KAT6A: variants seen among roughly 807,000 people sequenced by gnomAD.
KAT6A encodes histone acetyltransferase KAT6A.
In KAT6A, 9 loss-of-function variants were observed where a neutral mutation model predicts 198.4. That is an observed-to-expected ratio of 0.05 (90% CI 0.03 to 0.08). The LOEUF is 0.08. KAT6A is among the 10% of genes least tolerant of loss of function. The pLI is 1.00. For missense variants in KAT6A, 2,077 were observed against 2,509.9 expected (o/e 0.83, Z 3.69); for synonymous variants, 890 against 883.0 (o/e 1.01, Z -0.14).
chr8:41,932,263 T>A lies in KAT6A; in HGVS notation c.5957A>T (p.Tyr1986Phe). ...MMYTGPSHHS[Y>F]MNAAGVPKQS... ...CTTGGGCACGCCAGCAGCGTTCATG[T>A]AGCTGTGATGGGAGGGGCCTGTGTA... Residue 1986 changes from tyrosine to phenylalanine, a missense_variant, in exon 17 of 17, where the codon TAC becomes TTC. By Grantham distance (22) the Tyr-to-Phe change is conservative (BLOSUM62 3). Around this residue, in one of 13 missense-constraint regions of KAT6A, gnomAD observed 500 missense variants for 577.2 expected, o/e 0.87. Transcript: ENST00000265713. 2 of 1,614,066 alleles carry A rather than the reference T, an allele frequency of 1.2e-6. No individual in the cohort carries two copies. Among genetic ancestry groups the A allele is most frequent in the Non-Finnish European group, 1.7e-6 (2 of 1,179,964 alleles).
intron 8 of KAT6A, among the ~76,000 whole-genome samples, chr8:41,960,203 T>C (rs889895284): frequency 6.6e-6 from 1 of 152,152 alleles, no homozygotes; most frequent in African/African-American, 2.4e-5. Flanking sequence ...TTTTGCAAGA[T>C]AAAAAAGTTC....
At chr8:41,987,708 GT>G in intron 2 of KAT6A, 145 bp from the exon 3 acceptor site, 1 of 633,464 alleles carries the variant, frequency 1.6e-6, no homozygotes, top group South Asian at 2.0e-5. Context: ...AAGTAGGTGA[GT>G]TTTTACAAAG....
At chr8:41,957,336 C>T (rs1351983552) in intron 8 of KAT6A, 6 of 546,710 alleles carry the variant, frequency 1.1e-5, no homozygotes, top group East Asian at 4.2e-5. Flanking sequence ...TTTCCTTTTA[C>T]GAAGATTTAG....
chr8:42,031,038 A>G lies in KAT6A; in HGVS notation c.600+17340T>C, dbSNP rs2355644. Among the ~76,000 whole-genome samples the G allele has an allele frequency of 8.4e-3, 956 of 113,294 alleles. 19 individuals carry two copies. Among genetic ancestry groups the G allele is most frequent in the African/African-American group, 0.025 (703 of 27,948 alleles). 74.3% of individuals were successfully genotyped at this position (113,294 alleles called of 152,430 possible). A position where few individuals can be genotyped will look rare whatever the true frequency, so the allele number is the denominator to read the frequency against. On this transcript the variant is annotated intron_variant, in intron 2 of 16. Transcript: ENST00000265713. ...ATGCTGCCAAATGCAAAAAAAAAAA[A>G]GGGGGGGGGGACAGGAGAAATGTAT... is the stretch of plus-strand genomic sequence containing the variant.
rs764202707 is a variant in KAT6A, at chr8:41,937,531, C to A, written c.3077G>T (p.Arg1026Leu). The A allele has an allele frequency of 1.2e-6, 2 of 1,613,390 alleles. No homozygotes were observed. The highest frequency in any genetic ancestry group is 1.3e-5 in the African/African-American group (1 of 74,876). ...FLHRRRRVRKRKHHNSSVVTE... is the reference protein window; with the variant it reads ...FLHRRRRVRKLKHHNSSVVTE... ...GACTACACTGCTATTGTGGTGTTTG[C>A]GCTTTCGGACTCTCCTCCTTCGGTG... The change falls in exon 16 of 17, where the codon CGC becomes CTC. Residue 1026 changes from arginine to leucine, a missense_variant. Physicochemically the swap from Arg to Leu is moderately radical, Grantham distance 102. Coordinates refer to ENST00000265713, the MANE Select transcript of KAT6A (RefSeq NM_006766.5).
intron 8 of KAT6A, among the ~76,000 whole-genome samples, chr8:41,960,795 T>C (rs1360032217): frequency 1.3e-5 from 2 of 152,230 alleles, no homozygotes; most frequent in East Asian, 3.9e-4. Flanking sequence ...CCATCAGCTT[T>C]CCACTCTCCC....
At chr8:42,048,141 A>G (rs906501692) in intron 2 of KAT6A, among the ~76,000 whole-genome samples, 2 of 152,170 alleles carry the variant, frequency 1.3e-5, no homozygotes, top group Non-Finnish European at 2.9e-5. Context: ...TGTAATGTAA[A>G]TAAGTTCTTT....
Position 41,949,345 on chromosome 8 carries a change from A to C in KAT6A, c.1617T>G (p.Leu539=). 1 of 1,549,108 alleles carries C rather than the reference A, an allele frequency of 6.5e-7. No homozygotes were observed. The highest frequency in any genetic ancestry group is 8.7e-7 in the Non-Finnish European group (1 of 1,153,122). The part of the protein sequence containing the change: ...QEYSRLPKLY[L]CEFCLKYMKS... ...TCATATATTTTAGACAAAATTCACA[A>C]AGATACAATTTGGGCAGCCTGTAAA... Residue 539 remains leucine (L), a synonymous_variant, in exon 10 of 17, where the codon CTT becomes CTG. Coordinates refer to ENST00000265713, the MANE Select transcript of KAT6A (RefSeq NM_006766.5).
At position 41,978,590 on chromosome 8, in the gene KAT6A, T is replaced by C. The variant is rs377431910; in HGVS notation, c.1043+52A>G. ...GAGAAAACAAGTGAATCCTACACTA[T>C]AGAGAAGACCCTATCCTTTTCTCCC... On this transcript the variant is annotated intron_variant, in intron 6 of 16. Transcript: ENST00000265713. 1.3e-5 allele frequency: 21 copies of C among 1,587,256 alleles called. No individual in the cohort carries two copies. In the African/African-American group the frequency reaches 1.9e-4, roughly 14 times the overall value.
intron 5 of KAT6A, among the ~76,000 whole-genome samples, chr8:41,980,643 A>T (rs1016799237): frequency 6.6e-5 from 10 of 152,240 alleles, no homozygotes; most frequent in Non-Finnish European, 1.3e-4. Flanking sequence ...GAAAATAACA[A>T]TAAATCCGTA....
At chr8:42,041,303 T>C (rs1423297367) in intron 2 of KAT6A, among the ~76,000 whole-genome samples, 1 of 152,228 alleles carries the variant, frequency 6.6e-6, no homozygotes, top group Non-Finnish European at 1.5e-5. Flanking sequence ...AGAATAAATC[T>C]GCTAAGACAA....
At chr8:42,030,314 A>G (rs1231219106) in intron 2 of KAT6A, among the ~76,000 whole-genome samples, 2 of 152,060 alleles carry the variant, frequency 1.3e-5, no homozygotes, top group Non-Finnish European at 2.9e-5. Context: ...CACACTGGGG[A>G]CTTTCTCCCG....
rs916259962 is a variant in KAT6A at position 42,007,018 on chromosome 8, C to T, written c.601-19455G>A. On this transcript the variant is annotated intron_variant, in intron 2 of 16. Transcript: ENST00000265713. ...CTCAAAAAAAAAAAAAAAAAAAAAT[C>T]AGTCAACTTACTCTAATCTAAAACC... Among the ~76,000 whole-genome samples, 3 of 127,650 alleles carry T rather than the reference C, an allele frequency of 2.4e-5. 1 individual carries two copies. Among genetic ancestry groups the T allele is most frequent in the East Asian group, 2.3e-4 (1 of 4,432 alleles). 83.7% of individuals were successfully genotyped at this position (127,650 alleles called of 152,430 possible).
intron 2 of KAT6A, 140 bp from the exon 3 acceptor site, chr8:41,987,703 G>A (rs1824691677): frequency 3.1e-6 from 2 of 640,760 alleles, no homozygotes; most frequent in African/African-American, 3.7e-5. Context: ...CAGCTAAGTA[G>A]GTGAGTTTTT....
In KAT6A at chr8:41,930,601, C is replaced by T. The variant is rs1292324654; in HGVS notation, c.*1604G>A. The stretch of plus-strand genomic sequence containing the variant: ...ACAGATATTTCTCTAAGCAGTACTT[C>T]CCCCTTTTGGATATTTGACTGCACA... On this transcript the variant is annotated 3_prime_UTR_variant, in exon 17 of 17. Coordinates refer to ENST00000265713, the MANE Select transcript of KAT6A (RefSeq NM_006766.5). The T allele has an allele frequency of 1.1e-5, 2 of 182,680 alleles. No individual in the cohort carries two copies. Among genetic ancestry groups the T allele is most frequent in the African/African-American group, 4.8e-5 (2 of 41,866 alleles). 11.3% of individuals were successfully genotyped at this position (182,680 alleles called of 1,614,324 possible).
chr8:41,998,430 T>C (rs1825332292), intron 2 of KAT6A, among the ~76,000 whole-genome samples: 1 of 152,146 alleles, frequency 6.6e-6, no homozygotes, highest in Non-Finnish European at 1.5e-5. Context: ...AAGCTCTTCA[T>C]GTCAATTTTA....
At chr8:41,941,525 T>C (rs2150861929) in intron 14 of KAT6A, 81 bp from the exon 15 acceptor site, 4 of 1,407,772 alleles carry the variant, frequency 2.8e-6, no homozygotes, top group Non-Finnish European at 3.8e-6. Flanking sequence ...CTTTTAAGTA[T>C]TGAGAGAAGA....
At chr8:42,031,615 C>A (rs1186454714) in intron 2 of KAT6A, among the ~76,000 whole-genome samples, 42 of 122,510 alleles carry the variant, frequency 3.4e-4, no homozygotes, top group Non-Finnish European at 5.1e-4. Flanking sequence ...AAGGAGCATT[C>A]ACTTTTTTTT....
intron 2 of KAT6A, among the ~76,000 whole-genome samples, chr8:42,009,701 C>T (rs1019789360): frequency 2.6e-5 from 4 of 151,294 alleles, no homozygotes; most frequent in East Asian, 3.9e-4. Flanking sequence ...GAGTTCAAGA[C>T]CAGCCTGGGA....
Sources: gnomAD v4.1 joint callset for allele counts (sites outside exome capture counted in the v4.1 genomes callset) on GRCh38, gnomAD v4.1.1 for gene constraint, gnomAD v4.1.1 regional missense constraint, MANE v1.5 for transcripts, NCBI Gene and HGNC (gene_info 2026-07-23, HGNC 2026-07-21) for gene names.